Variants in PGM5 observed in about 807,000 individuals in gnomAD.
PGM5 encodes the protein phosphoglucomutase-like protein 5.
In PGM5, 23 loss-of-function variants were observed where a neutral mutation model predicts 59.2. The ratio of observed to expected loss-of-function variants is 0.39; its 90% CI spans 0.28 to 0.55. The LOEUF is 0.55. PGM5 is among the 20% of genes least tolerant of loss of function. PGM5 has a pLI of 0.66. For synonymous variants in PGM5, 214 were observed against 286.0 expected (o/e 0.75, Z 2.54); for missense variants, 574 against 748.3 (o/e 0.77, Z 2.72).
rs1587787727 is a variant in PGM5 at position 68,391,823 on chromosome 9, A to G, written c.888+99A>G. On this transcript the variant is annotated intron_variant, in intron 5 of 10. Coordinates refer to ENST00000396396, the MANE Select transcript of PGM5 (RefSeq NM_021965.4). ...ATGAACACATCTGGAGCTAACATGT[A>G]TGGGACATGTGTGCCCTAACTGGCT... 1.4e-5 allele frequency: 17 copies of G among 1,248,306 alleles called. No homozygotes were observed. The East Asian group carries it at 3.1e-4, about 23-fold the overall frequency. 77.3% of individuals were successfully genotyped at this position (1,248,306 alleles called of 1,614,324 possible).
intron 9 of PGM5, among the ~76,000 whole-genome samples, chr9:68,485,582 C>A (rs1349828948): frequency 1.3e-5 from 2 of 152,164 alleles, no homozygotes; most frequent in East Asian, 3.8e-4. Context: ...GTCCATTAAA[C>A]CTCTTTTCCG....
intron 6 of PGM5, among the ~76,000 whole-genome samples, chr9:68,450,252 TAAAAAC>T (rs1204291009): frequency 1.8e-4 from 27 of 151,514 alleles, no homozygotes; most frequent in Middle Eastern, 3.4e-3. Flanking sequence ...AAATAAAAAA[TAAAAAC>T]AAAAACAAAA....
chr9:68,473,351 C>T (rs147504470), intron 7 of PGM5, among the ~76,000 whole-genome samples: 2 of 152,210 alleles, frequency 1.3e-5, no homozygotes, highest in Non-Finnish European at 2.9e-5. Flanking sequence ...CCAGCTCTCA[C>T]CACATAGGAT....
chr9:68,439,793 C>G (rs1823499144), intron 6 of PGM5, among the ~76,000 whole-genome samples: 1 of 151,322 alleles, frequency 6.6e-6, no homozygotes, highest in Non-Finnish European at 1.5e-5. Flanking sequence ...TATTTCTGGT[C>G]AGAGAACCAA....
At chr9:68,358,419 C>T (rs1444228824) in intron 1 of PGM5, among the ~76,000 whole-genome samples, 1 of 152,130 alleles carries the variant, frequency 6.6e-6, no homozygotes, top group Non-Finnish European at 1.5e-5. Flanking sequence ...ATCTCAAGGA[C>T]ATCTACAAGA....
chr9:68,418,532 G>A (rs1338293292), intron 6 of PGM5, among the ~76,000 whole-genome samples: 1 of 151,984 alleles, frequency 6.6e-6, no homozygotes, highest in East Asian at 1.9e-4. Context: ...CTGAAAAGGC[G>A]ACAGGAGAAA....
chr9:68,495,758 A>G (rs1554688103), intron 9 of PGM5, among the ~76,000 whole-genome samples: 1 of 152,244 alleles, frequency 6.6e-6, no homozygotes, highest in African/African-American at 2.4e-5. Flanking sequence ...ATATCCTTAT[A>G]ACAATCTACA....
intron 1 of PGM5, among the ~76,000 whole-genome samples, chr9:68,367,591 A>G (rs12004128): frequency 2.6e-5 from 4 of 152,168 alleles, no homozygotes; most frequent in Non-Finnish European, 5.9e-5. Context: ...TTTGGACAGG[A>G]TCTCCCAAAT....
intron 6 of PGM5, among the ~76,000 whole-genome samples, chr9:68,414,662 A>G (rs1206491504): frequency 5.9e-5 from 9 of 151,902 alleles, no homozygotes; most frequent in African/African-American, 2.2e-4. Flanking sequence ...TCATTGCCCA[A>G]GAAGACATAT....
intron 9 of PGM5, chr9:68,498,566 G>A (rs1824518533): frequency 6.6e-6 from 1 of 152,148 alleles, no homozygotes; most frequent in Admixed American, 6.5e-5. Flanking sequence ...AATCATCTTT[G>A]GAGAAAGGCA....
chr9:68,410,347 G>C (rs1440692865), intron 6 of PGM5, among the ~76,000 whole-genome samples: 1 of 152,178 alleles, frequency 6.6e-6, no homozygotes, highest in Non-Finnish European at 1.5e-5. Context: ...TATTAAGATA[G>C]AAGGGGATGA....
intron 7 of PGM5, chr9:68,466,259 C>T (rs187820551): frequency 9.1e-5 from 96 of 1,060,018 alleles, no homozygotes; most frequent in East Asian, 3.2e-4. Context: ...TCTTCTTCTC[C>T]GATACTGTGT....
chr9:68,420,328 T>C (rs1209908642), intron 6 of PGM5, among the ~76,000 whole-genome samples: 1 of 152,170 alleles, frequency 6.6e-6, no homozygotes, highest in Non-Finnish European at 1.5e-5. Flanking sequence ...GCTTGTGATC[T>C]TGAGTACAAC....
In PGM5 at chr9:68,365,093, C is replaced by G. The variant is rs782761413; in HGVS notation, c.261+7705C>G. Among the ~76,000 whole-genome samples, 553 of 150,328 alleles carry G rather than the reference C, an allele frequency of 3.7e-3. 2 individuals carry two copies. The highest frequency in any genetic ancestry group is 6.2e-3 in the Non-Finnish European group (417 of 67,238). ...AGACTTGAGGACAAGAAGTTGGAAC[C>G]CACTTTTGGAGATGTCCAAGCATAG... is the stretch of plus-strand genomic sequence containing the variant. On this transcript the variant is annotated intron_variant, in intron 1 of 10. Coordinates refer to ENST00000396396, the MANE Select transcript of PGM5 (RefSeq NM_021965.4).
intron 6 of PGM5, among the ~76,000 whole-genome samples, chr9:68,418,618 T>A (rs1273105275): frequency 6.6e-6 from 1 of 152,028 alleles, no homozygotes; most frequent in African/African-American, 2.4e-5. Context: ...GTTTCTCACC[T>A]TGCTGCGGCC....
intron 10 of PGM5, among the ~76,000 whole-genome samples, chr9:68,514,538 G>A (rs1447800273): frequency 6.6e-6 from 1 of 152,150 alleles, no homozygotes; most frequent in African/African-American, 2.4e-5. Context: ...GGAGGCGGTG[G>A]AGGTTGTGGT....
intron 7 of PGM5, among the ~76,000 whole-genome samples, chr9:68,471,780 G>A (rs1824022998): frequency 6.6e-6 from 1 of 152,028 alleles, no homozygotes; most frequent in Non-Finnish European, 1.5e-5. Flanking sequence ...TTAGCCGGAT[G>A]TGGTGGCGGG....
chr9:68,508,927 A>G (rs1209042471), intron 10 of PGM5, among the ~76,000 whole-genome samples: 1 of 152,200 alleles, frequency 6.6e-6, no homozygotes, highest in African/African-American at 2.4e-5. Flanking sequence ...AATAAACAAG[A>G]GTGTATCTTA....
intron 1 of PGM5, among the ~76,000 whole-genome samples, chr9:68,366,483 G>T (rs1834681155): frequency 6.6e-6 from 1 of 152,086 alleles, no homozygotes; most frequent in Non-Finnish European, 1.5e-5. Context: ...TGTAGGCATA[G>T]AAAATAGGAT....
Sources: gnomAD v4.1 joint callset for allele counts (sites outside exome capture counted in the v4.1 genomes callset) on GRCh38, gnomAD v4.1.1 for gene constraint, MANE v1.5 for transcripts, NCBI Gene and HGNC (gene_info 2026-07-23, HGNC 2026-07-21) for gene names.